The following PCDH15 variants were observed in gnomAD, a reference collection of about 807,000 sequenced individuals.
The protein encoded by PCDH15 is protocadherin related 15.
A neutral mutation model predicts 178.5 loss-of-function variants in PCDH15; 129 were observed. The ratio of observed to expected loss-of-function variants is 0.72; its 90% CI spans 0.63 to 0.84. The LOEUF (loss-of-function observed/expected upper bound fraction) is 0.84. PCDH15 is among the 40% of genes least tolerant of loss of function. PCDH15 has a pLI of 0.00. For missense variants in PCDH15, 2,230 were observed against 2,099.9 expected (o/e 1.06, Z -1.21); for synonymous variants, 800 against 732.0 (o/e 1.09, Z -1.50).
intron 21 of PCDH15, among the ~76,000 whole-genome samples, chr10:53,969,945 C>T (rs1271821395): frequency 3.9e-5 from 6 of 152,120 alleles, no homozygotes; most frequent in Non-Finnish European, 8.8e-5. Flanking sequence ...GAAGAAACTG[C>T]ATCAACTAAC....
At chr10:54,649,212 C>T (rs1178251466) in intron 2 of PCDH15, among the ~76,000 whole-genome samples, 1 of 152,072 alleles carries the variant, frequency 6.6e-6, no homozygotes, top group East Asian at 1.9e-4. Context: ...AGAGGAAATA[C>T]CTGAAGAAAG....
intron 3 of PCDH15, among the ~76,000 whole-genome samples, chr10:54,416,502 C>A (rs1954423200): frequency 6.6e-6 from 1 of 152,150 alleles, no homozygotes; most frequent in Admixed American, 6.6e-5. Context: ...ATATGTACCA[C>A]ATTTTCATTA....
chr10:54,172,301 G>T (rs1272284835), intron 13 of PCDH15, among the ~76,000 whole-genome samples: 2 of 151,598 alleles, frequency 1.3e-5, no homozygotes, highest in Non-Finnish European at 2.9e-5. Context: ...TGAGCACCTT[G>T]CGACCCCCGA....
intron 2 of PCDH15, among the ~76,000 whole-genome samples, chr10:54,585,802 T>C (rs923385819): frequency 6.6e-6 from 1 of 152,166 alleles, no homozygotes. Context: ...CATTCAATTA[T>C]GTCTTCTTAA....
intron 2 of PCDH15, among the ~76,000 whole-genome samples, chr10:55,582,622 A>G (rs1473313085): frequency 1.3e-5 from 1 of 74,304 alleles, no homozygotes; most frequent in East Asian, 5.3e-4. Context: ...ATATATATAT[A>G]TATATATTTT....
chr10:54,440,091 A>C (rs1253512882), intron 3 of PCDH15, among the ~76,000 whole-genome samples: 1 of 152,026 alleles, frequency 6.6e-6, no homozygotes, highest in Non-Finnish European at 1.5e-5. Flanking sequence ...AAGAGAATGG[A>C]TGCTGGCAAT....
intron 5 of PCDH15, among the ~76,000 whole-genome samples, chr10:54,356,573 C>T (rs1045922963): frequency 1.3e-5 from 2 of 151,254 alleles, no homozygotes; most frequent in African/African-American, 4.9e-5. Flanking sequence ...ATAATATATG[C>T]TGTATATTTA....
chr10:55,582,873 A>ACCC (rs936390874), intron 2 of PCDH15, among the ~76,000 whole-genome samples: 24 of 152,012 alleles, frequency 1.6e-4, no homozygotes, highest in East Asian at 3.9e-4. Flanking sequence ...TGAAAATTAA[A>ACCC]TGCAGATGTT....
chr10:54,900,567 C>A lies in PCDH15; in HGVS notation c.-79-3067G>T, dbSNP rs530525663. ...TACTTTTACAAATAAAAATTGCATT[C>A]TACAGATTTATTCAGGAATGCCTTT... On this transcript the variant is annotated intron_variant, in intron 2 of 5. Transcript: ENST00000458638. Among the ~76,000 whole-genome samples, 10 of 152,218 alleles carry A rather than the reference C, an allele frequency of 6.6e-5. No individual in the cohort carries two copies. The South Asian group carries it at 2.1e-3, about 32-fold the overall frequency.
At chr10:54,977,420 G>A (rs1839100345) in intron 2 of PCDH15, among the ~76,000 whole-genome samples, 1 of 152,050 alleles carries the variant, frequency 6.6e-6, no homozygotes. Flanking sequence ...TGTAATTATA[G>A]TACATTAGTA....
At chr10:54,996,061 A>G (rs549848103) in intron 2 of PCDH15, among the ~76,000 whole-genome samples, 3 of 152,114 alleles carry the variant, frequency 2.0e-5, no homozygotes, top group Non-Finnish European at 4.4e-5. Flanking sequence ...CAGGACCTAT[A>G]CTGAACCCCT....
rs1462446027 is a variant in PCDH15 at position 54,183,603 on chromosome 10, G to A, written c.1441-10C>T. The A allele has an allele frequency of 6.2e-7, 1 of 1,613,512 alleles. No individual in the cohort carries two copies. Among genetic ancestry groups the A allele is most frequent in the Non-Finnish European group, 8.5e-7 (1 of 1,179,882 alleles). On this transcript the variant is annotated splice_polypyrimidine_tract_variant and intron_variant, in intron 12 of 37. Transcript: ENST00000644397. ...CATCAAATGCTGTTATCTTTGGGAG[G>A]AGAAAAATACACTTAGTAGAGATGT...
intron 2 of PCDH15, among the ~76,000 whole-genome samples, chr10:55,146,612 T>C (rs987278472): frequency 6.6e-6 from 1 of 151,946 alleles, no homozygotes; most frequent in East Asian, 1.9e-4. Context: ...TATTAAGTTA[T>C]ACATGAAAGA....
chr10:55,055,466 C>T (rs908681900), intron 2 of PCDH15, among the ~76,000 whole-genome samples: 2 of 151,996 alleles, frequency 1.3e-5, no homozygotes, highest in African/African-American at 4.8e-5. Flanking sequence ...ATCTGCTTAC[C>T]CCTACTGCAC....
At chr10:53,890,454 A>C (rs1352169550) in intron 26 of PCDH15, among the ~76,000 whole-genome samples, 1 of 152,134 alleles carries the variant, frequency 6.6e-6, no homozygotes, top group Non-Finnish European at 1.5e-5. Context: ...AATTCTTTTG[A>C]TATCAGCATT....
chr10:53,913,473 C>T (rs140818620), intron 25 of PCDH15, among the ~76,000 whole-genome samples: 3,276 of 152,014 alleles, frequency 0.022, 134 homozygotes, highest in African/African-American at 0.076. Flanking sequence ...GTGGCTCACA[C>T]CTGTAATCCC....
intron 13 of PCDH15, among the ~76,000 whole-genome samples, chr10:54,173,114 A>G (rs1382937811): frequency 6.6e-6 from 1 of 152,206 alleles, no homozygotes; most frequent in Non-Finnish European, 1.5e-5. Flanking sequence ...AGCCTAAACT[A>G]CATAAGCCCT....
At chr10:55,127,394 T>C (rs937812680) in intron 2 of PCDH15, among the ~76,000 whole-genome samples, 1 of 152,110 alleles carries the variant, frequency 6.6e-6, no homozygotes, top group Non-Finnish European at 1.5e-5. Context: ...GCCCTTATTG[T>C]AGTCATTCAA....
chr10:55,122,085 T>A (rs999830404), intron 2 of PCDH15, among the ~76,000 whole-genome samples: 17 of 152,192 alleles, frequency 1.1e-4, no homozygotes, highest in African/African-American at 4.1e-4. Context: ...AGGATAATCT[T>A]TCCCTTCTTA....
Sources: gnomAD v4.1 joint callset for allele counts (sites outside exome capture counted in the v4.1 genomes callset) on GRCh38, gnomAD v4.1.1 for gene constraint, MANE v1.5 for transcripts, NCBI Gene and HGNC (gene_info 2026-07-23, HGNC 2026-07-21) for gene names.